Variants in PLEKHG1 observed in about 807,000 individuals in gnomAD.
PLEKHG1 encodes the protein pleckstrin homology domain-containing family G member 1.
A neutral mutation model predicts 100.8 loss-of-function variants in PLEKHG1; 44 were observed. The ratio of observed to expected loss-of-function variants is 0.44; its 90% CI spans 0.34 to 0.56. PLEKHG1 has a LOEUF of 0.56. Ranked by LOEUF, PLEKHG1 falls within the 20% of genes least tolerant of loss-of-function variation. PLEKHG1 has a pLI of 0.01. For missense variants in PLEKHG1, 1,545 were observed against 1,720.9 expected (o/e 0.90, Z 1.81); for synonymous variants, 640 against 662.5 (o/e 0.97, Z 0.52).
chr6:150,666,696 G>T (rs1779402944), intron 3 of PLEKHG1, among the ~76,000 whole-genome samples: 1 of 152,084 alleles, frequency 6.6e-6, no homozygotes, highest in Admixed American at 6.6e-5. Context: ...GTCAGAGACT[G>T]AGCTGGAATC....
intron 11 of PLEKHG1, 90 bp from the exon 13 acceptor site, chr6:150,819,589 T>TAAA (rs894593570): frequency 1.9e-5 from 12 of 632,516 alleles, no homozygotes; most frequent in African/African-American, 3.8e-5. Flanking sequence ...ATAATAATAA[T>TAAA]AAATCCATAT....
intron 3 of PLEKHG1, among the ~76,000 whole-genome samples, chr6:150,672,396 G>A (rs73006339): frequency 0.078 from 11,823 of 152,246 alleles, 549 homozygotes; most frequent in Non-Finnish European, 0.1. Flanking sequence ...TCGATGTCCC[G>A]TTAAGTTCCC....
At chr6:150,809,165 G>T (rs778490258) in exon 8 of PLEKHG1, 6 of 1,613,764 alleles carry the variant, frequency 3.7e-6, no homozygotes, top group Non-Finnish European at 5.1e-6. Flanking sequence ...CGGGGAACTG[G>T]TGCTTGAGGG....
intron 1 of PLEKHG1, among the ~76,000 whole-genome samples, chr6:150,732,934 A>G (rs1782349918): frequency 6.7e-6 from 1 of 149,460 alleles, no homozygotes; most frequent in Non-Finnish European, 1.5e-5. Flanking sequence ...GTATGACTCT[A>G]TCTTTTTCTT....
At chr6:150,832,057 G>A (rs1247886153) in exon 15 of PLEKHG1, 1 of 1,614,222 alleles carries the variant, frequency 6.2e-7, no homozygotes, top group East Asian at 2.2e-5. Context: ...TGGCTCGGCA[G>A]TACAGTCAGA....
intron 1 of PLEKHG1, among the ~76,000 whole-genome samples, chr6:150,620,682 T>C (rs1411792255): frequency 1.3e-5 from 2 of 152,228 alleles, no homozygotes; most frequent in African/African-American, 4.8e-5. Flanking sequence ...TGTCTATATG[T>C]GTGTTCATTC....
chr6:150,831,210 C>G lies in PLEKHG1; in HGVS notation c.2099C>G (p.Ala700Gly). The G allele has an allele frequency of 6.2e-7, 1 of 1,614,140 alleles. No homozygotes were observed. Among genetic ancestry groups the G allele is most frequent in the Non-Finnish European group, 8.5e-7 (1 of 1,180,022 alleles). Reference sequence around the variant, plus strand: ...CGCCCCAAGAGCACCCCAGAGTTAGCCTTCACAAAGAGGCAAGCTGGCCAC... The same window carrying G: ...CGCCCCAAGAGCACCCCAGAGTTAGGCTTCACAAAGAGGCAAGCTGGCCAC... The change falls in exon 15 of 16, where the codon GCC becomes GGC. Residue 700 changes from alanine (A) to glycine (G), a missense_variant. Ala to Gly is a moderately conservative substitution (Grantham distance 60). Transcript: ENST00000358517. This position sits in a 1 kb window ranked among gnomAD's most constrained non-coding sequence, Gnocchi z 4.1.
At chr6:150,768,814 CTT>C (rs1220832666) in intron 3 of PLEKHG1, 76 bp downstream of exon 4, 11 of 841,710 alleles carry the variant, frequency 1.3e-5, no homozygotes, top group Non-Finnish European at 2.2e-5. Flanking sequence ...GCCTAAGAAA[CTT>C]TACCTGTAAC....
intron 3 of PLEKHG1, among the ~76,000 whole-genome samples, chr6:150,653,459 C>T (rs1241175227): frequency 6.6e-6 from 1 of 151,926 alleles, no homozygotes; most frequent in Non-Finnish European, 1.5e-5. Flanking sequence ...TAAAAGTAAA[C>T]AGGCTGGGCG....
chr6:150,821,882 C>T (rs1196829278), intron 13 of PLEKHG1, among the ~76,000 whole-genome samples: 1 of 149,266 alleles, frequency 6.7e-6, no homozygotes, highest in African/African-American at 2.5e-5. Flanking sequence ...GCTCTTGTTG[C>T]CCAGGCTAGA....
intron 3 of PLEKHG1, among the ~76,000 whole-genome samples, chr6:150,775,284 G>A (rs184994964): frequency 2.0e-5 from 3 of 152,224 alleles, no homozygotes; most frequent in East Asian, 1.9e-4. Flanking sequence ...ATACAGAAAC[G>A]TTACCTAAAC....
intron 12 of PLEKHG1, among the ~76,000 whole-genome samples, chr6:150,820,605 C>T (rs899444320): frequency 6.6e-6 from 1 of 152,094 alleles, no homozygotes; most frequent in African/African-American, 2.4e-5. Context: ...TGGCTCACAC[C>T]TGTAATCCCA....
At chr6:150,747,893 T>G (rs1783252543) in intron 2 of PLEKHG1, among the ~76,000 whole-genome samples, 1 of 148,618 alleles carries the variant, frequency 6.7e-6, no homozygotes, top group Non-Finnish European at 1.5e-5. Flanking sequence ...CGAAACTCCG[T>G]CTCAAAAAAA....
chr6:150,815,434 A>G (rs540491292), intron 10 of PLEKHG1, among the ~76,000 whole-genome samples: 1 of 152,386 alleles, frequency 6.6e-6, no homozygotes, highest in East Asian at 1.9e-4. Flanking sequence ...CATATTGCCC[A>G]TTAGTATATG....
chr6:150,812,103 G>A (rs775278431), intron 10 of PLEKHG1, among the ~76,000 whole-genome samples: 2 of 152,142 alleles, frequency 1.3e-5, no homozygotes, highest in Non-Finnish European at 2.9e-5. Context: ...TGTGAGTTCT[G>A]AGACAGGCAG....
chr6:150,668,953 C>T (rs532276675), intron 3 of PLEKHG1, among the ~76,000 whole-genome samples: 32 of 152,214 alleles, frequency 2.1e-4, no homozygotes, highest in Admixed American at 5.9e-4. Context: ...AGTATCTGGC[C>T]GTCATCTTTG....
chr6:150,606,267 T>A (rs1439113821), intron 1 of PLEKHG1, among the ~76,000 whole-genome samples: 1 of 152,214 alleles, frequency 6.6e-6, no homozygotes, highest in East Asian at 1.9e-4. Context: ...TCTGCAGAGA[T>A]GTGTGAAACC....
At position 150,673,595 on chromosome 6, in the gene PLEKHG1, C is replaced by T. The variant is rs77684517; in HGVS notation, c.-99+22809C>T. Among the ~76,000 whole-genome samples the T allele has an allele frequency of 1.1e-4, 16 of 152,004 alleles. No individual in the cohort carries two copies. The East Asian group carries it at 3.1e-3, about 29-fold the overall frequency. On this transcript the variant is annotated intron_variant, in intron 3 of 3. Coordinates refer to the PLEKHG1 transcript ENST00000367326. The stretch of plus-strand genomic sequence containing the variant: ...TCTTTCTTTTCTCTTCTCCTTCCTT[C>T]CTTCCTCTCTCTTCCTGTCTTTCTT...
At chr6:150,610,682 A>G (rs1013653424) in intron 1 of PLEKHG1, among the ~76,000 whole-genome samples, 2 of 152,210 alleles carry the variant, frequency 1.3e-5, no homozygotes, top group African/African-American at 4.8e-5. Flanking sequence ...GAGCAATCCA[A>G]CAGAGCCCTG....
Sources: gnomAD v4.1 joint callset for allele counts (sites outside exome capture counted in the v4.1 genomes callset) on GRCh38, gnomAD v4.1.1 for gene constraint, Gnocchi (gnomAD v3.1) non-coding constraint, MANE v1.5 for transcripts, NCBI Gene and HGNC (gene_info 2026-07-23, HGNC 2026-07-21) for gene names.